Variants in GATAD2B observed in about 807,000 individuals in gnomAD.
GATAD2B encodes transcriptional repressor p66-beta.
GATAD2B carries 8 observed loss-of-function variants against 64.3 expected under a neutral mutation model. That is an observed-to-expected ratio of 0.12 (90% CI 0.07 to 0.22). The LOEUF is 0.22. GATAD2B is among the 10% of genes least tolerant of loss of function. GATAD2B has a pLI of 1.00. For synonymous variants in GATAD2B, 281 were observed against 271.3 expected (o/e 1.04, Z -0.35); for missense variants, 453 against 752.0 (o/e 0.60, Z 4.65).
At position 153,879,305 on chromosome 1, in the gene GATAD2B, C is replaced by A. The variant is rs528251093; in HGVS notation, c.-2+43428G>T. ...GGCCAGGCTGATCTCAAACTCCTGA[C>A]CTCATGTGATCCACCCACCTCGGCC... On this transcript the variant is annotated intron_variant, in intron 1 of 10. Transcript: ENST00000368655. 2.0e-5 allele frequency among the ~76,000 whole-genome samples: 3 copies of A among 151,906 alleles called. No homozygotes were observed. In the South Asian group the frequency reaches 6.3e-4, roughly 32 times the overall value.
intron 1 of GATAD2B, among the ~76,000 whole-genome samples, chr1:153,897,184 C>A (rs1255964439): frequency 6.6e-6 from 1 of 152,028 alleles, no homozygotes; most frequent in Admixed American, 6.6e-5. Context: ...TGCCCGCCAC[C>A]TCACCCAGCT....
intron 1 of GATAD2B, among the ~76,000 whole-genome samples, chr1:153,891,355 G>T (rs1193461400): frequency 6.6e-6 from 1 of 151,166 alleles, no homozygotes; most frequent in African/African-American, 2.4e-5. Flanking sequence ...GTCACTTGAG[G>T]TCAGCAGTTC....
intron 1 of GATAD2B, among the ~76,000 whole-genome samples, chr1:153,853,637 T>C (rs898291087): frequency 6.6e-6 from 1 of 152,216 alleles, no homozygotes; most frequent in African/African-American, 2.4e-5. Flanking sequence ...CCACTTGCTT[T>C]TGTTGCCTGT....
intron 1 of GATAD2B, 107 bp from the exon 2 acceptor site, chr1:153,828,455 TACACACACACACACAC>T (rs71093290): frequency 1.5e-4 from 90 of 584,416 alleles, no homozygotes; most frequent in Non-Finnish European, 2.4e-4. Context: ...CTCTCACACA[TACACACACACACACAC>T]ACACACACAC....
intron 1 of GATAD2B, chr1:153,890,980 T>C (rs923507205): frequency 2.6e-5 from 4 of 151,804 alleles, no homozygotes; most frequent in African/African-American, 4.8e-5. Flanking sequence ...GGTCAGGAGT[T>C]CAAGACCAGC....
chr1:153,830,768 C>T (rs1380164944), intron 1 of GATAD2B, among the ~76,000 whole-genome samples: 2 of 152,062 alleles, frequency 1.3e-5, no homozygotes, highest in Admixed American at 1.3e-4. Context: ...AGCCACCGCG[C>T]CCGGCCTTTT....
chr1:153,824,676 G>C (rs986015115), intron 2 of GATAD2B, among the ~76,000 whole-genome samples: 2 of 139,952 alleles, frequency 1.4e-5, no homozygotes, highest in African/African-American at 5.3e-5. Context: ...AACATATACT[G>C]TATCTATCTG....
chr1:153,895,017 G>C (rs1310373740), intron 1 of GATAD2B, among the ~76,000 whole-genome samples: 1 of 152,166 alleles, frequency 6.6e-6, no homozygotes, highest in African/African-American at 2.4e-5. Flanking sequence ...AATTAGTCAG[G>C]TGTGGTGGCA....
At chr1:153,841,885 T>C (rs1397392104) in intron 1 of GATAD2B, among the ~76,000 whole-genome samples, 1 of 152,218 alleles carries the variant, frequency 6.6e-6, no homozygotes, top group Non-Finnish European at 1.5e-5. Context: ...AGAGTAGCTA[T>C]ACCATCATAT....
At chr1:153,910,228 T>C (rs951502097) in intron 1 of GATAD2B, among the ~76,000 whole-genome samples, 4 of 152,174 alleles carry the variant, frequency 2.6e-5, no homozygotes, top group African/African-American at 9.7e-5. Flanking sequence ...ATTGGTAAGC[T>C]ACTAGTGATT....
chr1:153,838,423 T>C (rs1421503644), intron 1 of GATAD2B, among the ~76,000 whole-genome samples: 1 of 152,216 alleles, frequency 6.6e-6, no homozygotes, highest in Non-Finnish European at 1.5e-5. Context: ...TTTTTTGTTT[T>C]GAGATGGAGT....
chr1:153,852,743 G>GA, intron 1 of GATAD2B: 1 of 923,210 alleles, frequency 1.1e-6, no homozygotes, highest in South Asian at 1.3e-5. Flanking sequence ...GACAGGGAGT[G>GA]AAGCTTGGTA....
chr1:153,808,585 C>A lies in GATAD2B; in HGVS notation c.*1592G>T, dbSNP rs1030303119. The stretch of plus-strand genomic sequence containing the variant: ...TTCTTCTCTGCTGAGAACATTCCCC[C>A]CAGTGCACTCTGGCAGCTTCTGGAG... On this transcript the variant is annotated 3_prime_UTR_variant, in exon 11 of 11. Transcript: ENST00000368655. 1 of 152,464 alleles carries A rather than the reference C, an allele frequency of 6.6e-6. No homozygotes were observed. The highest frequency in any genetic ancestry group is 2.4e-5 in the African/African-American group (1 of 41,382). The allele number at this position is 152,464 out of a possible 1,614,324, so 9.4% of individuals were successfully genotyped here. A position where few individuals can be genotyped will look rare whatever the true frequency, so the allele number is the denominator to read the frequency against.
chr1:153,819,694 A>G lies in GATAD2B; in HGVS notation c.377T>C (p.Ile126Thr). The G allele has an allele frequency of 6.2e-7, 1 of 1,611,322 alleles. No homozygotes were observed. Among genetic ancestry groups the G allele is most frequent in the Non-Finnish European group, 8.5e-7 (1 of 1,178,242 alleles). The stretch of plus-strand genomic sequence containing the variant: ...GGAAGCCTCATTGTCAGACAAAACA[A>G]TGATGTCTGGTGAGGGAGTTAGCCT... The part of the protein sequence containing the change: ...RGRLTPSPDI[I>T]VLSDNEASSP... The change falls in exon 3 of 11, where the codon ATT (isoleucine) becomes ACT (threonine). Residue 126 changes from isoleucine to threonine, a missense_variant. Physicochemically the swap from Ile to Thr is moderately conservative, Grantham distance 89 (BLOSUM62 -1). Coordinates refer to ENST00000368655, the MANE Select transcript of GATAD2B (RefSeq NM_020699.4).
intron 1 of GATAD2B, among the ~76,000 whole-genome samples, chr1:153,914,259 T>A (rs1206281705): frequency 6.7e-6 from 1 of 148,894 alleles, no homozygotes; most frequent in Non-Finnish European, 1.5e-5. Context: ...AAAAGAGTTG[T>A]GAGCAAAGCT....
rs145662763 is a variant in GATAD2B at position 153,914,411 on chromosome 1, TG to T, written c.-2+8321del. Among the ~76,000 whole-genome samples, 78 of 152,254 alleles carry T rather than the reference TG, an allele frequency of 5.1e-4. 1 individual carries two copies. Among genetic ancestry groups the T allele is most frequent in the African/African-American group, 1.8e-3 (74 of 41,554 alleles). ...CAGTTACTGATTCTCATTTCTAAGCTGAGGAAACTAAGGCTCAGAGACTTCA... is the reference window on the plus strand; with the variant it reads ...CAGTTACTGATTCTCATTTCTAAGCTAGGAAACTAAGGCTCAGAGACTTCA... On this transcript the variant is annotated intron_variant, in intron 1 of 10. Transcript: ENST00000368655.
intron 1 of GATAD2B, among the ~76,000 whole-genome samples, chr1:153,855,171 T>C (rs1391102463): frequency 2.0e-5 from 3 of 152,142 alleles, no homozygotes; most frequent in Non-Finnish European, 2.9e-5. Flanking sequence ...TGTGGTTGAA[T>C]AGGAGATTGT....
intron 1 of GATAD2B, among the ~76,000 whole-genome samples, chr1:153,876,971 C>T (rs1048499937): frequency 6.6e-6 from 1 of 152,156 alleles, no homozygotes; most frequent in East Asian, 1.9e-4. Context: ...GAGCCAAGAT[C>T]GTGCCACTTC....
intron 1 of GATAD2B, among the ~76,000 whole-genome samples, chr1:153,891,561 ACT>A (rs1677398878): frequency 9.4e-6 from 1 of 106,456 alleles, no homozygotes; most frequent in Admixed American, 1.3e-4. Flanking sequence ...CAAAAGTGAA[ACT>A]CTGTCTCGTT....
Sources: allele counts gnomAD v4.1 joint callset (sites outside exome capture counted in the v4.1 genomes callset), GRCh38; gene constraint gnomAD v4.1.1; transcripts MANE v1.5; gene names NCBI Gene and HGNC (gene_info 2026-07-23, HGNC 2026-07-21).